The following HDAC4 variants were observed in gnomAD, a reference collection of about 807,000 sequenced individuals.
HDAC4 encodes the protein histone deacetylase A.
A neutral mutation model predicts 135.1 loss-of-function variants in HDAC4; 16 were observed. The ratio of observed to expected loss-of-function variants is 0.12; its 90% CI spans 0.08 to 0.18. The LOEUF (loss-of-function observed/expected upper bound fraction) is 0.18, where lower values mean the gene tolerates loss of function less well. Ranked by LOEUF, HDAC4 falls within the 10% of genes least tolerant of loss-of-function variation. The probability of loss-of-function intolerance (pLI) is 1.00; values close to 1 mark genes in which losing one functional copy is unlikely to be tolerated. For missense variants in HDAC4, 1,143 were observed against 1,511.8 expected, an observed-to-expected ratio of 0.76 and a Z score of 4.05; for synonymous variants, 685 against 653.4, an observed-to-expected ratio of 1.05 and a Z score of -0.74.
intron 14 of HDAC4, among the ~76,000 whole-genome samples, chr2:239,111,059 C>T (rs2152797386): frequency 6.6e-6 from 1 of 152,378 alleles, no homozygotes. Context: ...CAGCGTGTCC[C>T]AGGGGTCCCG....
In HDAC4 at chr2:239,281,214, C is replaced by T. The variant is rs2050716097; in HGVS notation, c.23-44550G>A. On this transcript the variant is annotated intron_variant, in intron 2 of 26. Transcript: ENST00000543185. ...TACACACCCCTCTACAATGAACACA[C>T]CACTCTACACACAATGTACACACCA... 1.4e-5 allele frequency among the ~76,000 whole-genome samples: 2 copies of T among 140,676 alleles called. 1 individual carries two copies. Among genetic ancestry groups the T allele is most frequent in the Non-Finnish European group, 3.1e-5 (2 of 64,818 alleles). 92.3% of individuals were successfully genotyped at this position (140,676 alleles called of 152,430 possible).
chr2:239,234,984 A>C (rs981347285), intron 3 of HDAC4, among the ~76,000 whole-genome samples: 1 of 152,338 alleles, frequency 6.6e-6, no homozygotes, highest in East Asian at 1.9e-4. Flanking sequence ...TTACACGAAA[A>C]CAACACCGGC....
chr2:239,077,515 C>T lies in HDAC4; in HGVS notation c.2750+3580G>A, dbSNP rs553495347. ...GGCCCCACAGGCGAGCGAAGGCTGG[C>T]GCAGGACGAGCTCTCTCAGCTCTGA... On this transcript the variant is annotated intron_variant, in intron 22 of 26. Transcript: ENST00000543185. Among the ~76,000 whole-genome samples, 137 of 152,378 alleles carry T rather than the reference C, an allele frequency of 9.0e-4. 4 individuals carry two copies. In the South Asian group the frequency reaches 0.027, roughly 30 times the overall value.
At chr2:239,174,731 A>G (rs183675226) in intron 5 of HDAC4, among the ~76,000 whole-genome samples, 1 of 152,382 alleles carries the variant, frequency 6.6e-6, no homozygotes, top group Admixed American at 6.5e-5. Context: ...CAAGCCAAAT[A>G]TCTAACAACT....
rs746174309 is a variant in HDAC4 at position 239,176,459 on chromosome 2, C to A, written c.444G>T (p.Arg148=). The A allele has an allele frequency of 1.9e-6, 3 of 1,613,306 alleles. No homozygotes were observed. The highest frequency in any genetic ancestry group is 3.3e-5 in the Admixed American group (2 of 59,988). The change falls in exon 5 of 27, where the codon CGG becomes CGT. Residue 148 remains arginine, a synonymous_variant. Transcript: ENST00000543185. ...TCTTGAGCTGCTGCAGCTTCTGCTC[C>A]CGGTGCTGCTTCTCCAGCTCCTGCT... ...RQEQELEKQH[R]EQKLQQLKNK...
intron 4 of HDAC4, among the ~76,000 whole-genome samples, chr2:239,185,856 AC>A (rs2044517890): frequency 6.6e-6 from 1 of 151,956 alleles, no homozygotes; most frequent in Admixed American, 6.5e-5. Flanking sequence ...CATGGGAAAA[AC>A]CCATCTCTAC....
At chr2:239,062,912 T>C (rs1184554663) in intron 24 of HDAC4, among the ~76,000 whole-genome samples, 1 of 152,122 alleles carries the variant, frequency 6.6e-6, no homozygotes, top group Non-Finnish European at 1.5e-5. Flanking sequence ...ATGTCCCCTC[T>C]CGGCACCCCT....
At chr2:239,078,359 G>A (rs576224854) in intron 22 of HDAC4, among the ~76,000 whole-genome samples, 1 of 152,266 alleles carries the variant, frequency 6.6e-6, no homozygotes, top group East Asian at 1.9e-4. Flanking sequence ...GGCAGGCAAC[G>A]GGTCTGAATA....
chr2:239,262,148 C>T lies in HDAC4; in HGVS notation c.23-25484G>A, dbSNP rs1003834523. Among the ~76,000 whole-genome samples, 2 of 152,136 alleles carry T rather than the reference C, an allele frequency of 1.3e-5. No individual in the cohort carries two copies. Among genetic ancestry groups the T allele is most frequent in the African/African-American group, 2.4e-5 (1 of 41,430 alleles). On this transcript the variant is annotated intron_variant, in intron 2 of 26. Transcript: ENST00000543185. This position sits in a 1 kb window ranked among gnomAD's most constrained non-coding sequence, Gnocchi z 4.1. ...GCCGGGCCACGCTCACCCCAAGGCC[C>T]AAGAAGGAGCCACGGTCCACTGAGA... is the stretch of plus-strand genomic sequence containing the variant.
In HDAC4 at chr2:239,053,145, C is replaced by A. The variant is rs1178849160; in HGVS notation, c.3231-9G>T. ...TGGGCTCCTCATCTGGTCTGTGGAT[C>A]CCGCAAGAGAAGGAGATGGGGGCGT... On this transcript the variant is annotated splice_polypyrimidine_tract_variant and intron_variant, in intron 26 of 26. Coordinates refer to ENST00000543185, the MANE Select transcript of HDAC4 (RefSeq NM_001378414.1). 1.2e-6 allele frequency: 2 copies of A among 1,614,130 alleles called. No individual in the cohort carries two copies. Among genetic ancestry groups the A allele is most frequent in the African/African-American group, 1.3e-5 (1 of 75,056 alleles).
rs781420660 is a variant in HDAC4, at chr2:239,352,416, A to T, written c.22+262T>A. Among the ~76,000 whole-genome samples, 16 of 152,156 alleles carry T rather than the reference A, an allele frequency of 1.1e-4. No individual in the cohort carries two copies. The highest frequency in any genetic ancestry group is 1.8e-4 in the Non-Finnish European group (12 of 68,028). ...TCACCCTTGTCAAAAAGCATCGAGGAAACCTGTGTGCCTCTCAAGTCAGCC... is the reference window on the plus strand; with the variant it reads ...TCACCCTTGTCAAAAAGCATCGAGGTAACCTGTGTGCCTCTCAAGTCAGCC... On this transcript the variant is annotated intron_variant, in intron 2 of 26. Coordinates refer to ENST00000543185, the MANE Select transcript of HDAC4 (RefSeq NM_001378414.1). The surrounding 1 kb of genome is among the most constrained non-coding windows in gnomAD (Gnocchi z 4.4).
At position 239,082,233 on chromosome 2, in the gene HDAC4, G is replaced by C. The variant is rs746782134; in HGVS notation, c.2533-12C>G. On this transcript the variant is annotated splice_polypyrimidine_tract_variant and intron_variant, in intron 20 of 26. Coordinates refer to ENST00000543185, the MANE Select transcript of HDAC4 (RefSeq NM_001378414.1). Reference sequence around the variant, plus strand: ...CCATGGTGCACGTCCTTAAAGAGCAGGGACAACTACTTCAGGGCTGAGGCA... The same window carrying C: ...CCATGGTGCACGTCCTTAAAGAGCACGGACAACTACTTCAGGGCTGAGGCA... 4.3e-6 allele frequency: 7 copies of C among 1,614,202 alleles called. 1 individual carries two copies. The South Asian group carries it at 7.7e-5, about 18-fold the overall frequency.
At chr2:239,163,466 G>A (rs868200420) in intron 6 of HDAC4, among the ~76,000 whole-genome samples, 1 of 152,166 alleles carries the variant, frequency 6.6e-6, no homozygotes, top group African/African-American at 2.4e-5. Flanking sequence ...TCTGGAGGGG[G>A]GCCCACCCCG....
chr2:239,152,766 T>C (rs1377629770), intron 7 of HDAC4, among the ~76,000 whole-genome samples: 2 of 152,068 alleles, frequency 1.3e-5, no homozygotes, highest in African/African-American at 4.8e-5. Flanking sequence ...ACTGTAGGCA[T>C]GGAGGCAAGG....
chr2:239,103,870 T>C (rs567605770), intron 15 of HDAC4, among the ~76,000 whole-genome samples: 10 of 152,348 alleles, frequency 6.6e-5, no homozygotes, highest in Admixed American at 5.9e-4. Flanking sequence ...GTCCTGTCCA[T>C]GCAGGGTGGA....
At chr2:239,121,195 G>A (rs780689415) in intron 12 of HDAC4, among the ~76,000 whole-genome samples, 7 of 152,112 alleles carry the variant, frequency 4.6e-5, no homozygotes, top group Non-Finnish European at 7.4e-5. Flanking sequence ...GAGCCAAAAC[G>A]ATCCACCCAC....
At chr2:239,066,354 T>C (rs1370178966) in intron 24 of HDAC4, among the ~76,000 whole-genome samples, 2 of 152,118 alleles carry the variant, frequency 1.3e-5, no homozygotes, top group African/African-American at 4.8e-5. Flanking sequence ...CTAGAGAAGC[T>C]GACTGTCCAC....
intron 2 of HDAC4, among the ~76,000 whole-genome samples, chr2:239,271,792 C>T (rs972771717): frequency 2.0e-5 from 3 of 152,174 alleles, no homozygotes; most frequent in South Asian, 2.1e-4. Flanking sequence ...GATGGCTCCA[C>T]GTCCCATAAT....
rs1692824924 is a variant in HDAC4 at position 239,347,857 on chromosome 2, A to G, written c.22+4821T>C. 2.0e-5 allele frequency among the ~76,000 whole-genome samples: 3 copies of G among 152,194 alleles called. No individual in the cohort carries two copies. In the East Asian group the frequency reaches 5.8e-4, roughly 29 times the overall value. On this transcript the variant is annotated intron_variant, in intron 2 of 26. Coordinates refer to ENST00000543185, the MANE Select transcript of HDAC4 (RefSeq NM_001378414.1). Reference sequence around the variant, plus strand: ...CTAAACATTATCCGTACCTCGCACCAAGATTCCAGGAGCGAGAGGATGCTC... The same window carrying G: ...CTAAACATTATCCGTACCTCGCACCGAGATTCCAGGAGCGAGAGGATGCTC...
Sources: allele counts gnomAD v4.1 joint callset (sites outside exome capture counted in the v4.1 genomes callset), GRCh38; gene constraint gnomAD v4.1.1; non-coding constraint Gnocchi (gnomAD v3.1); transcripts MANE v1.5; gene names NCBI Gene and HGNC (gene_info 2026-07-23, HGNC 2026-07-21).